TP73: variants seen among roughly 807,000 people sequenced by gnomAD.
The protein encoded by TP73 is tumor protein p73.
Under a neutral mutation model 62.5 loss-of-function variants are expected in TP73, and 25 were observed. The ratio of observed to expected loss-of-function variants is 0.40; its 90% CI spans 0.29 to 0.56. The LOEUF is 0.56. Among genes scored for constraint, TP73 ranks in the 20% least tolerant of loss-of-function variants. TP73 has a pLI of 0.46. For missense variants in TP73, 754 were observed against 913.3 expected, an observed-to-expected ratio of 0.83 and a Z score of 2.25; for synonymous variants, 423 against 377.5, an observed-to-expected ratio of 1.12 and a Z score of -1.40.
At chr1:3,723,504 C>A in intron 6 of TP73, 35 bp downstream of exon 6, 1 of 1,483,608 alleles carries the variant, frequency 6.7e-7, no homozygotes, top group Non-Finnish European at 9.4e-7. Flanking sequence ...CAGGGCCCTG[C>A]AGTCAGCTGT....
rs1405041971 is a variant in TP73, at chr1:3,699,164, T to G, written c.187-8385T>G. Among the ~76,000 whole-genome samples the G allele has an allele frequency of 6.6e-6, 1 of 152,096 alleles. No individual in the cohort carries two copies. Among genetic ancestry groups the G allele is most frequent in the African/African-American group, 2.4e-5 (1 of 41,418 alleles). ...CTTCCCCCCAGCCGCATGTCGAATCTTGTTGGCATTTCCATTCGTTTAATC... is the reference window on the plus strand; with the variant it reads ...CTTCCCCCCAGCCGCATGTCGAATCGTGTTGGCATTTCCATTCGTTTAATC... On this transcript the variant is annotated intron_variant, in intron 3 of 13. Coordinates refer to ENST00000378295, the MANE Select transcript of TP73 (RefSeq NM_005427.4). This position sits in a 1 kb window ranked among gnomAD's most constrained non-coding sequence, Gnocchi z 4.1.
chr1:3,689,482 C>T (rs920354307), intron 3 of TP73, among the ~76,000 whole-genome samples: 1 of 152,136 alleles, frequency 6.6e-6, no homozygotes, highest in Non-Finnish European at 1.5e-5. Context: ...TGGAATCGTC[C>T]TTTCGTCCTC....
chr1:3,729,064 G>A (rs906370478), intron 9 of TP73, among the ~76,000 whole-genome samples: 4 of 152,240 alleles, frequency 2.6e-5, no homozygotes, highest in African/African-American at 9.6e-5. Context: ...TGTTGGTAGG[G>A]GAGGAAGAGG....
Position 3,728,061 on chromosome 1 carries a change from C to T in TP73, c.986-68C>T, listed in dbSNP as rs372694746. 39 of 1,480,692 alleles carry T rather than the reference C, an allele frequency of 2.6e-5. 1 individual carries two copies. The East Asian group carries it at 3.0e-4, about 11-fold the overall frequency. The allele number at this position is 1,480,692 out of a possible 1,614,324, so 91.7% of individuals were successfully genotyped here. On this transcript the variant is annotated intron_variant, in intron 8 of 13. Coordinates refer to ENST00000378295, the MANE Select transcript of TP73 (RefSeq NM_005427.4). ...CCCCAAGGGTGGGGCAGGTCTCCCT[C>T]CTCCCGGAAGGAGGCCTCACCCTCT...
intron 3 of TP73, among the ~76,000 whole-genome samples, chr1:3,697,194 T>A (rs1212586353): frequency 6.9e-6 from 1 of 144,066 alleles, no homozygotes; most frequent in African/African-American, 2.5e-5. Context: ...GCGGCCCACC[T>A]CGCACCCACT....
At chr1:3,695,756 G>A (rs1025024802) in intron 3 of TP73, among the ~76,000 whole-genome samples, 2 of 152,248 alleles carry the variant, frequency 1.3e-5, no homozygotes, top group Admixed American at 6.5e-5. Flanking sequence ...GCTGGCAGAC[G>A]TTCTGGGAGG....
chr1:3,705,344 G>T (rs996203667), intron 3 of TP73, among the ~76,000 whole-genome samples: 4 of 152,226 alleles, frequency 2.6e-5, no homozygotes, highest in Admixed American at 2.6e-4. Flanking sequence ...AAGGACCTGT[G>T]GTGCAGGAAG....
At chr1:3,723,523 G>A in intron 6 of TP73, 54 bp downstream of exon 6, 1 of 883,936 alleles carries the variant, frequency 1.1e-6, no homozygotes, top group East Asian at 2.5e-5. Context: ...GTACGGGTCG[G>A]GGGAGGGGTC....
At chr1:3,708,291 T>C (rs983712760) in intron 4 of TP73, 2 of 174,914 alleles carry the variant, frequency 1.1e-5, no homozygotes, top group Non-Finnish European at 1.2e-5. Flanking sequence ...GGAATTGGCA[T>C]GCACCAAGGA....
At chr1:3,660,738 C>T (rs761615786) in intron 1 of TP73, among the ~76,000 whole-genome samples, 1 of 152,204 alleles carries the variant, frequency 6.6e-6, no homozygotes, top group East Asian at 1.9e-4. Context: ...GAAATCTTCT[C>T]GAAGACACAA....
At chr1:3,731,605 C>T (rs1642145199) in intron 13 of TP73, 49 bp downstream of exon 13, 1 of 1,561,664 alleles carries the variant, frequency 6.4e-7, no homozygotes, top group Non-Finnish European at 8.8e-7. Flanking sequence ...CTGGAGGGGC[C>T]CCTGTCCGGA....
Position 3,666,944 on chromosome 1 carries a change from T to C in TP73, c.-34+14303T>C, listed in dbSNP as rs77767239. Among the ~76,000 whole-genome samples the C allele has an allele frequency of 0.027, 4,086 of 152,200 alleles. 188 individuals are homozygous for C. Among genetic ancestry groups the C allele is most frequent in the African/African-American group, 0.093 (3,850 of 41,504 alleles). ...GAACCCGTGTCTATGTTATTTCCCATGGCAAAGGGGACCGTGATTCAGCTA... is the reference window on the plus strand; with the variant it reads ...GAACCCGTGTCTATGTTATTTCCCACGGCAAAGGGGACCGTGATTCAGCTA... On this transcript the variant is annotated intron_variant, in intron 1 of 13. Coordinates refer to ENST00000378295, the MANE Select transcript of TP73 (RefSeq NM_005427.4). This position sits in a 1 kb window ranked among gnomAD's most constrained non-coding sequence, Gnocchi z 6.4.
chr1:3,690,251 C>T (rs565470816), intron 3 of TP73, among the ~76,000 whole-genome samples: 9 of 152,174 alleles, frequency 5.9e-5, no homozygotes, highest in East Asian at 3.9e-4. Context: ...GTCGAACCTC[C>T]TGTGAGCCCC....
At chr1:3,706,770 G>A (rs988065974) in intron 3 of TP73, among the ~76,000 whole-genome samples, 6 of 152,206 alleles carry the variant, frequency 3.9e-5, no homozygotes, top group East Asian at 1.9e-4. Flanking sequence ...CGCCACAGAC[G>A]GTGGCGCAGG....
At chr1:3,684,959 G>A (rs1044414832) in intron 3 of TP73, among the ~76,000 whole-genome samples, 5 of 152,144 alleles carry the variant, frequency 3.3e-5, no homozygotes, top group East Asian at 1.9e-4. Flanking sequence ...GCTCTCTGGG[G>A]ACAAGGGTCC....
intron 3 of TP73, among the ~76,000 whole-genome samples, chr1:3,684,472 G>C (rs1204743612): frequency 6.6e-6 from 1 of 152,170 alleles, no homozygotes; most frequent in Non-Finnish European, 1.5e-5. Flanking sequence ...CCCTGCGCAC[G>C]ACTGACTGTC....
At chr1:3,692,466 G>A (rs1645871148) in intron 3 of TP73, among the ~76,000 whole-genome samples, 1 of 152,220 alleles carries the variant, frequency 6.6e-6, no homozygotes, top group African/African-American at 2.4e-5. Flanking sequence ...GGCATGGGGT[G>A]TCCCTCTCTC....
chr1:3,693,674 C>T (rs1638288347), intron 3 of TP73, among the ~76,000 whole-genome samples: 1 of 151,820 alleles, frequency 6.6e-6, no homozygotes, highest in South Asian at 2.1e-4. Flanking sequence ...GCTGCCGCCT[C>T]AGCCCCTCCT....
intron 1 of TP73, among the ~76,000 whole-genome samples, chr1:3,654,565 G>T (rs1489388982): frequency 1.3e-5 from 2 of 152,204 alleles, no homozygotes; most frequent in Admixed American, 6.5e-5. Context: ...TGCCTCAGAG[G>T]CTTGGAGAAC....
Sources: gnomAD v4.1 joint callset for allele counts (sites outside exome capture counted in the v4.1 genomes callset) on GRCh38, gnomAD v4.1.1 for gene constraint, Gnocchi (gnomAD v3.1) non-coding constraint, MANE v1.5 for transcripts, NCBI Gene and HGNC (gene_info 2026-07-23, HGNC 2026-07-21) for gene names.